The following DCC variants were observed in gnomAD, a reference collection of about 807,000 sequenced individuals.
DCC encodes the protein DCC netrin 1 receptor.
In DCC, 58 loss-of-function variants were observed where a neutral mutation model predicts 172.5. The ratio of observed to expected loss-of-function variants is 0.34; its 90% CI spans 0.27 to 0.42. The LOEUF (loss-of-function observed/expected upper bound fraction) is 0.42, where lower values mean the gene tolerates loss of function less well. Ranked by LOEUF, DCC falls within the 10% of genes least tolerant of loss-of-function variation. The pLI is 1.00. For missense variants in DCC, 1,740 were observed against 1,791.0 expected (o/e 0.97, Z 0.51); for synonymous variants, 709 against 644.5 (o/e 1.10, Z -1.52).
chr18:52,674,805 C>G (rs746393501), intron 1 of DCC, among the ~76,000 whole-genome samples: 5 of 152,234 alleles, frequency 3.3e-5, no homozygotes, highest in Non-Finnish European at 7.3e-5. Context: ...ACTTTCTCCT[C>G]AGCCAGGGCT....
At chr18:53,419,474 C>G (rs189068355) in intron 21 of DCC, among the ~76,000 whole-genome samples, 2 of 152,160 alleles carry the variant, frequency 1.3e-5, no homozygotes, top group East Asian at 3.9e-4. Context: ...TGGTCACCAT[C>G]CTTCTATTCT....
At chr18:52,863,261 T>C (rs899158880) in intron 2 of DCC, among the ~76,000 whole-genome samples, 2 of 151,956 alleles carry the variant, frequency 1.3e-5, no homozygotes, top group Admixed American at 6.6e-5. Context: ...CATACAGAAT[T>C]GTTTCTCTTG....
chr18:52,364,858 G>A (rs9965892), intron 1 of DCC, among the ~76,000 whole-genome samples: 16,104 of 152,198 alleles, frequency 0.11, 1,249 homozygotes, highest in East Asian at 0.37. Context: ...CCTTGGTCAT[G>A]AGACTGAATG....
intron 1 of DCC, among the ~76,000 whole-genome samples, chr18:52,541,964 A>G (rs2032474353): frequency 6.8e-6 from 1 of 146,558 alleles, no homozygotes; most frequent in South Asian, 2.1e-4. Flanking sequence ...TATATACACT[A>G]TATTATATCA....
intron 1 of DCC, among the ~76,000 whole-genome samples, chr18:52,664,230 G>A (rs1323856658): frequency 6.6e-6 from 1 of 152,198 alleles, no homozygotes; most frequent in Admixed American, 6.5e-5. Context: ...TATTTTGAGA[G>A]GAAGGAATGG....
chr18:53,219,316 T>C (rs1218197810), intron 12 of DCC, among the ~76,000 whole-genome samples: 1 of 152,098 alleles, frequency 6.6e-6, no homozygotes, highest in Non-Finnish European at 1.5e-5. Flanking sequence ...TTCTAACCAT[T>C]ATACCTTTTC....
chr18:52,578,199 T>C (rs1177390511), intron 1 of DCC, among the ~76,000 whole-genome samples: 1 of 152,236 alleles, frequency 6.6e-6, no homozygotes, highest in African/African-American at 2.4e-5. Flanking sequence ...TAGACAGTCA[T>C]ATGTCTCTTA....
intron 5 of DCC, among the ~76,000 whole-genome samples, chr18:53,005,707 G>A (rs147560333): frequency 0.024 from 3,613 of 152,290 alleles, 66 homozygotes; most frequent in Admixed American, 0.052. Context: ...CAGCCTGGGT[G>A]ACAGAGTGAG....
intron 1 of DCC, among the ~76,000 whole-genome samples, chr18:52,727,742 T>C (rs982925438): frequency 6.6e-6 from 1 of 152,136 alleles, no homozygotes; most frequent in African/African-American, 2.4e-5. Flanking sequence ...CAGGAGAGCA[T>C]GAAGCAGGGA....
chr18:52,912,486 A>G (rs2039984111), intron 3 of DCC, among the ~76,000 whole-genome samples: 1 of 152,044 alleles, frequency 6.6e-6, no homozygotes, highest in Non-Finnish European at 1.5e-5. Flanking sequence ...TAGTCCTAGC[A>G]CATTTCTGCA....
chr18:53,031,967 C>A (rs1306894701), intron 5 of DCC, among the ~76,000 whole-genome samples: 1 of 151,924 alleles, frequency 6.6e-6, no homozygotes. Flanking sequence ...TGAACTGGTC[C>A]AGCAATATAA....
chr18:52,948,618 A>G (rs939815118), intron 5 of DCC, among the ~76,000 whole-genome samples: 2 of 152,118 alleles, frequency 1.3e-5, no homozygotes, highest in African/African-American at 4.8e-5. Context: ...GTTAGGATTC[A>G]TGTTCACCTT....
At chr18:52,348,277 A>G (rs997359985) in intron 1 of DCC, among the ~76,000 whole-genome samples, 125 of 152,304 alleles carry the variant, frequency 8.2e-4, no homozygotes, top group African/African-American at 2.9e-3. Flanking sequence ...TAAAGTTGGC[A>G]TAAACATTCT....
chr18:53,322,579 T>A (rs906301941), intron 14 of DCC, among the ~76,000 whole-genome samples: 2 of 152,004 alleles, frequency 1.3e-5, no homozygotes, highest in African/African-American at 4.8e-5. Context: ...TCTATATGTA[T>A]TTTTTTACTT....
chr18:53,165,653 T>A (rs1021748971), intron 8 of DCC, among the ~76,000 whole-genome samples: 4 of 152,246 alleles, frequency 2.6e-5, no homozygotes, highest in Non-Finnish European at 2.9e-5. Flanking sequence ...TGATTTTATT[T>A]CTCCAGTGGA....
chr18:52,793,257 T>C (rs760242918), intron 2 of DCC, among the ~76,000 whole-genome samples: 9 of 152,188 alleles, frequency 5.9e-5, no homozygotes, highest in Non-Finnish European at 1.2e-4. Flanking sequence ...TACAAGTGGC[T>C]GACAAAGAGA....
Position 52,802,643 on chromosome 18 carries a change from C to CTTT in DCC, c.412+50307_412+50309dup, listed in dbSNP as rs776080029. Among the ~76,000 whole-genome samples, 257 of 38,196 alleles carry CTTT rather than the reference C, an allele frequency of 6.7e-3. 79 individuals are homozygous for CTTT. Among genetic ancestry groups the CTTT allele is most frequent in the East Asian group, 0.02 (16 of 816 alleles). 25.1% of individuals were successfully genotyped at this position (38,196 alleles called of 152,430 possible). ...ACAGGTACACATCACCACGCCAAGC[C>CTTT]TTTTTTTTTTTTTTTTTTTTTTTTT... On this transcript the variant is annotated intron_variant, in intron 2 of 28. Transcript: ENST00000442544.
chr18:52,424,787 T>C (rs751091106), intron 1 of DCC, among the ~76,000 whole-genome samples: 3 of 152,146 alleles, frequency 2.0e-5, no homozygotes, highest in Admixed American at 6.6e-5. Context: ...CTGCATGGGG[T>C]TCAGACGATG....
chr18:53,503,299 C>A (rs116343387), intron 27 of DCC, among the ~76,000 whole-genome samples: 1 of 152,148 alleles, frequency 6.6e-6, no homozygotes, highest in Non-Finnish European at 1.5e-5. Flanking sequence ...GATTCATTTC[C>A]TCAATTTTTT....
Sources: gnomAD v4.1 joint callset for allele counts (sites outside exome capture counted in the v4.1 genomes callset) on GRCh38, gnomAD v4.1.1 for gene constraint, MANE v1.5 for transcripts, NCBI Gene and HGNC (gene_info 2026-07-23, HGNC 2026-07-21) for gene names.